Variants in PHF24 observed in about 807,000 individuals in gnomAD.
PHF24 encodes PHD finger protein 24.
In PHF24, 25 loss-of-function variants were observed where a neutral mutation model predicts 42.6. The ratio of observed to expected loss-of-function variants is 0.59; its 90% CI spans 0.43 to 0.82. The LOEUF (loss-of-function observed/expected upper bound fraction) is 0.82. Among genes scored for constraint, PHF24 ranks in the 40% least tolerant of loss-of-function variants. The probability of loss-of-function intolerance (pLI) is 0.00; values close to 1 mark genes in which losing one functional copy is unlikely to be tolerated. For missense variants in PHF24, 470 were observed against 538.1 expected, an observed-to-expected ratio of 0.87 and a Z score of 1.25; for synonymous variants, 185 against 204.8, an observed-to-expected ratio of 0.90 and a Z score of 0.83.
chr9:34,826,821 C>T, the PHF24 span, among the ~76,000 whole-genome samples: 5 of 152,292 alleles, frequency 3.3e-5, no homozygotes, highest in South Asian at 2.1e-4. Context: ...AGCATCTACC[C>T]CCAAACCTGA....
the PHF24 span, among the ~76,000 whole-genome samples, chr9:34,673,412 C>T: frequency 6.6e-6 from 1 of 151,884 alleles, no homozygotes; most frequent in East Asian, 1.9e-4. Context: ...ATTTCAACCC[C>T]TGGATCCAGC....
the PHF24 span, chr9:34,917,050 C>T: frequency 8.0e-6 from 5 of 628,796 alleles, no homozygotes; most frequent in Non-Finnish European, 1.5e-5. Flanking sequence ...GAGGGAGAGT[C>T]AAGAGTGGGT....
chr9:34,785,589 A>C, the PHF24 span, among the ~76,000 whole-genome samples: 1 of 152,134 alleles, frequency 6.6e-6, no homozygotes, highest in East Asian at 1.9e-4. Flanking sequence ...CAAGCCACTA[A>C]GTTTGTGGTA....
At chr9:34,732,163 T>C in the PHF24 span, among the ~76,000 whole-genome samples, 2 of 152,060 alleles carry the variant, frequency 1.3e-5, no homozygotes, top group Non-Finnish European at 2.9e-5. Context: ...TTTAGTTTTT[T>C]TGGGGAACCT....
At chr9:34,665,782 A>T in the PHF24 span, 2 of 648,312 alleles carry the variant, frequency 3.1e-6, no homozygotes, top group Admixed American at 2.4e-5. Context: ...TCTGAGGCTG[A>T]TGCCCCCGAG....
the PHF24 span, among the ~76,000 whole-genome samples, chr9:34,846,394 C>T: frequency 1.3e-5 from 2 of 151,704 alleles, no homozygotes; most frequent in African/African-American, 4.8e-5. Context: ...GCATAAATGT[C>T]TTCTTTTGAG....
the PHF24 span, among the ~76,000 whole-genome samples, chr9:34,732,829 C>A: frequency 1.3e-5 from 2 of 152,080 alleles, no homozygotes; most frequent in Admixed American, 6.5e-5. Flanking sequence ...TTTCCCTTTT[C>A]TTTTAGTTTT....
chr9:34,812,090 G>A, the PHF24 span, among the ~76,000 whole-genome samples: 1 of 152,180 alleles, frequency 6.6e-6, no homozygotes, highest in Non-Finnish European at 1.5e-5. Flanking sequence ...CTACAGTGAA[G>A]CTGGATGCAG....
the PHF24 span, chr9:34,832,780 G>A: frequency 3.7e-5 from 58 of 1,550,880 alleles, no homozygotes; most frequent in Non-Finnish European, 4.8e-5. Context: ...GCCTGAGTTG[G>A]TTGGCTCAGG....
the PHF24 span, chr9:34,725,665 G>A: frequency 6.5e-7 from 1 of 1,534,802 alleles, no homozygotes; most frequent in African/African-American, 1.4e-5. Flanking sequence ...TCTGTAGCAG[G>A]TGCCACTCCA....
chr9:34,926,540 C>T, the PHF24 span, among the ~76,000 whole-genome samples: 3 of 152,024 alleles, frequency 2.0e-5, no homozygotes, highest in Admixed American at 6.5e-5. The surrounding 1 kb of genome is among the most constrained non-coding windows in gnomAD (Gnocchi z 4.3). Flanking sequence ...GGGTGGCCCA[C>T]AGGGTTGTTT....
At chr9:34,701,652 G>C in the PHF24 span, among the ~76,000 whole-genome samples, 2 of 152,076 alleles carry the variant, frequency 1.3e-5, no homozygotes, top group Admixed American at 1.3e-4. This position sits in a 1 kb window ranked among gnomAD's most constrained non-coding sequence, Gnocchi z 5.8. Context: ...GCGCGGGCCG[G>C]GCGTATGGAG....
At chr9:34,754,394 AT>A in the PHF24 span, among the ~76,000 whole-genome samples, 1 of 152,178 alleles carries the variant, frequency 6.6e-6, no homozygotes, top group Non-Finnish European at 1.5e-5. Context: ...AAAAGAAGAC[AT>A]ACCAATGGCA....
the PHF24 span, among the ~76,000 whole-genome samples, chr9:34,700,069 G>A: frequency 3.9e-5 from 6 of 152,178 alleles, no homozygotes; most frequent in African/African-American, 1.4e-4. Flanking sequence ...GTTCTGGGTA[G>A]AGAAAACAGC....
At chr9:34,712,156 A>C in the PHF24 span, among the ~76,000 whole-genome samples, 8 of 151,012 alleles carry the variant, frequency 5.3e-5, no homozygotes, top group African/African-American at 2.0e-4. Flanking sequence ...TTGGCCTCCC[A>C]TGGTTTCTGA....
the PHF24 span, among the ~76,000 whole-genome samples, chr9:34,840,282 A>G: frequency 6.6e-6 from 1 of 152,110 alleles, no homozygotes; most frequent in Non-Finnish European, 1.5e-5. Context: ...CCCTCAGTCA[A>G]TCACTTCTAT....
At chr9:34,922,386 T>C in the PHF24 span, 1 of 1,438,622 alleles carries the variant, frequency 7.0e-7, no homozygotes. Context: ...CAGAACGTCA[T>C]AATAGAACAC....
At chr9:34,726,649 G>C in the PHF24 span, 1 of 1,551,844 alleles carries the variant, frequency 6.4e-7, no homozygotes, top group Non-Finnish European at 8.7e-7. Flanking sequence ...GATCAGCCCA[G>C]TAATCTTGTA....
the PHF24 span, among the ~76,000 whole-genome samples, chr9:34,870,975 CT>C: frequency 6.6e-6 from 1 of 152,174 alleles, no homozygotes; most frequent in Non-Finnish European, 1.5e-5. Flanking sequence ...AAGAAGCTCA[CT>C]TGCTGGATCA....
Sources: gnomAD v4.1 joint callset for allele counts (sites outside exome capture counted in the v4.1 genomes callset) on GRCh38, gnomAD v4.1.1 for gene constraint, Gnocchi (gnomAD v3.1) non-coding constraint, MANE v1.5 for transcripts, NCBI Gene and HGNC (gene_info 2026-07-23, HGNC 2026-07-21) for gene names.